Variants in AFDN observed in about 807,000 individuals in gnomAD.
AFDN encodes afadin.
Under a neutral mutation model 216.6 loss-of-function variants are expected in AFDN, and 68 were observed. The ratio of observed to expected loss-of-function variants is 0.31; its 90% CI spans 0.26 to 0.38. The LOEUF is 0.38. Ranked by LOEUF, AFDN falls within the 10% of genes least tolerant of loss-of-function variation. The probability of loss-of-function intolerance (pLI) is 1.00; values close to 1 mark genes in which losing one functional copy is unlikely to be tolerated. For missense variants in AFDN, 2,136 were observed against 2,342.0 expected (o/e 0.91, Z 1.82); for synonymous variants, 868 against 853.7 (o/e 1.02, Z -0.29).
chr6:167,883,075 TG>T (rs1489827248), intron 6 of AFDN, among the ~76,000 whole-genome samples: 1 of 152,014 alleles, frequency 6.6e-6, no homozygotes, highest in Non-Finnish European at 1.5e-5. Flanking sequence ...AAAAAAGTGC[TG>T]GAGGACATTG....
At chr6:167,860,197 T>C (rs528102333) in intron 1 of AFDN, among the ~76,000 whole-genome samples, 70 of 146,870 alleles carry the variant, frequency 4.8e-4, no homozygotes, top group Non-Finnish European at 8.6e-4. Flanking sequence ...TAGAAACCTT[T>C]GTCTTTGTAA....
chr6:167,892,161 G>A (rs1488832801), intron 8 of AFDN, among the ~76,000 whole-genome samples: 93 of 152,068 alleles, frequency 6.1e-4, no homozygotes, highest in Non-Finnish European at 1.5e-4. Flanking sequence ...TTAGGTAGTA[G>A]CTTTTATACC....
chr6:167,854,338 A>G (rs769616470), intron 1 of AFDN, among the ~76,000 whole-genome samples: 1 of 152,002 alleles, frequency 6.6e-6, no homozygotes, highest in Non-Finnish European at 1.5e-5. Flanking sequence ...TAAAGAAATT[A>G]TATTTCTTTC....
chr6:167,947,750 A>G (rs1795492027), intron 27 of AFDN, 103 bp from the exon 28 acceptor site: 1 of 681,850 alleles, frequency 1.5e-6, no homozygotes, highest in Admixed American at 2.6e-5. Flanking sequence ...CTGGATACTC[A>G]CTAGCAGTAT....
intron 11 of AFDN, among the ~76,000 whole-genome samples, 165 bp from the exon 12 acceptor site, chr6:167,902,152 C>T (rs1309975941): frequency 6.7e-6 from 1 of 149,588 alleles, no homozygotes; most frequent in South Asian, 2.1e-4. Context: ...AAAGAAAGTT[C>T]ATAAGGTGGT....
intron 28 of AFDN, 42 bp downstream of exon 28, chr6:167,947,986 A>T (rs1362179907): frequency 7.0e-7 from 1 of 1,438,544 alleles, no homozygotes; most frequent in African/African-American, 1.4e-5. Flanking sequence ...CTGCATTTCC[A>T]TCCTTAGGGT....
At chr6:167,942,231 G>A (rs537035123) in intron 23 of AFDN, among the ~76,000 whole-genome samples, 1 of 152,292 alleles carries the variant, frequency 6.6e-6, no homozygotes, top group South Asian at 2.1e-4. Flanking sequence ...GCTCCAGGGT[G>A]TTACAGAAAA....
At chr6:167,839,840 A>G (rs374948717) in intron 1 of AFDN, among the ~76,000 whole-genome samples, 2 of 152,238 alleles carry the variant, frequency 1.3e-5, no homozygotes, top group South Asian at 2.1e-4. Flanking sequence ...GGTGGTGGGA[A>G]TCAGGCACAT....
At chr6:167,852,039 T>G (rs952038372) in intron 1 of AFDN, among the ~76,000 whole-genome samples, 2 of 152,218 alleles carry the variant, frequency 1.3e-5, no homozygotes, top group African/African-American at 4.8e-5. Context: ...TTTTGTTGTT[T>G]TTAGGTGCAC....
intron 1 of AFDN, among the ~76,000 whole-genome samples, chr6:167,834,467 T>TTG (rs1163744155): frequency 2.8e-5 from 4 of 145,154 alleles, no homozygotes; most frequent in Admixed American, 6.9e-5. Context: ...GTTTTTTTTT[T>TTG]TTTTTTTTTT....
intron 3 of AFDN, 105 bp from the exon 4 acceptor site, chr6:167,872,109 T>C: frequency 9.4e-7 from 1 of 1,059,892 alleles, no homozygotes; most frequent in Non-Finnish European, 1.4e-6. Context: ...TTCAGTAGCT[T>C]TGTTCACATG....
At position 167,869,388 on chromosome 6, in the gene AFDN, G is replaced by A. The variant is rs570452369; in HGVS notation, c.302-998G>A. On this transcript the variant is annotated intron_variant, in intron 2 of 33. Transcript: ENST00000683244. Reference sequence around the variant, plus strand: ...ATTCTGCCAAATTGTACACTAAAAGGTAGGGACTTTAAGATAAAGAAAGAT... The same window carrying A: ...ATTCTGCCAAATTGTACACTAAAAGATAGGGACTTTAAGATAAAGAAAGAT... Among the ~76,000 whole-genome samples, 6 of 152,304 alleles carry A rather than the reference G, an allele frequency of 3.9e-5. No homozygotes were observed. The South Asian group carries it at 1.2e-3, about 32-fold the overall frequency.
Position 167,911,145 on chromosome 6 carries a change from T to C in AFDN, c.1814T>C (p.Ile605Thr), listed in dbSNP as rs779636952. ...CCTGAGCTGATACTACCTGCAAGCA[T>C]TGAATTCAGGGAAAGTTGTGAGTAA... Reference protein sequence around the residue: ...SGPELILPASIEFRESSEDSF... With the variant: ...SGPELILPASTEFRESSEDSF... The change falls in exon 14 of 34, where the codon ATT (isoleucine) becomes ACT (threonine). Residue 605 changes from isoleucine to threonine, a missense_variant. By Grantham distance (89) the Ile-to-Thr change is moderately conservative. Transcript: ENST00000683244. The C allele has an allele frequency of 1.9e-6, 3 of 1,613,964 alleles. No individual in the cohort carries two copies. Among genetic ancestry groups the C allele is most frequent in the South Asian group, 2.2e-5 (2 of 91,044 alleles).
intron 1 of AFDN, among the ~76,000 whole-genome samples, chr6:167,862,437 G>A (rs963354932): frequency 1.6e-4 from 25 of 151,754 alleles, no homozygotes; most frequent in African/African-American, 6.1e-4. Flanking sequence ...GTGCAGTGGC[G>A]CGATCTTGGC....
At chr6:167,830,215 C>T (rs1337696401) in intron 1 of AFDN, among the ~76,000 whole-genome samples, 1 of 152,162 alleles carries the variant, frequency 6.6e-6, no homozygotes, top group Non-Finnish European at 1.5e-5. Flanking sequence ...TCCTTTTAAT[C>T]TTTCCTGTCA....
intron 1 of AFDN, among the ~76,000 whole-genome samples, chr6:167,842,685 A>G (rs1417350201): frequency 6.6e-6 from 1 of 152,100 alleles, no homozygotes; most frequent in African/African-American, 2.4e-5. Context: ...CACTATGTTG[A>G]CATATTGCTT....
chr6:167,866,883 C>T (rs902906003), intron 2 of AFDN, among the ~76,000 whole-genome samples: 5 of 152,214 alleles, frequency 3.3e-5, no homozygotes, highest in Non-Finnish European at 7.3e-5. Flanking sequence ...CACCTCAGCA[C>T]GTTTGCATAC....
chr6:167,883,949 C>T (rs190985266), intron 6 of AFDN, among the ~76,000 whole-genome samples: 348 of 152,290 alleles, frequency 2.3e-3, no homozygotes, highest in African/African-American at 7.9e-3. Context: ...AAATGTCTTT[C>T]GGAATTGAAG....
intron 13 of AFDN, 24 bp downstream of exon 13, chr6:167,907,313 T>C (rs1480898149): frequency 1.3e-6 from 2 of 1,553,156 alleles, no homozygotes; most frequent in Non-Finnish European, 1.8e-6. Flanking sequence ...CATTTTTCAA[T>C]GGTGAAAGTA....
Sources: gnomAD v4.1 joint callset for allele counts (sites outside exome capture counted in the v4.1 genomes callset) on GRCh38, gnomAD v4.1.1 for gene constraint, MANE v1.5 for transcripts, NCBI Gene and HGNC (gene_info 2026-07-23, HGNC 2026-07-21) for gene names.